The following CFAP100 variants were observed in gnomAD, a reference collection of about 807,000 sequenced individuals.
CFAP100 encodes cilia- and flagella-associated protein 100.
A neutral mutation model predicts 81.5 loss-of-function variants in CFAP100; 70 were observed. The observed-to-expected ratio is 0.86, with a 90% CI of 0.71 to 1.05. The LOEUF (loss-of-function observed/expected upper bound fraction) is 1.05, where lower values mean the gene tolerates loss of function less well. CFAP100 is among the 50% of genes least tolerant of loss of function. The probability of loss-of-function intolerance (pLI) is 0.00; values close to 1 mark genes in which losing one functional copy is unlikely to be tolerated. For synonymous variants in CFAP100, 341 were observed against 314.8 expected, an observed-to-expected ratio of 1.08 and a Z score of -0.88; for missense variants, 811 against 776.5, an observed-to-expected ratio of 1.04 and a Z score of -0.53.
At chr3:126,395,920 C>T (rs552458417) in intron 1 of CFAP100, 22 bp from the exon 2 acceptor site, 8 of 1,263,416 alleles carry the variant, frequency 6.3e-6, no homozygotes, top group East Asian at 4.7e-5. Context: ...CCACCAGGCT[C>T]AAGCACTGTG....
At chr3:126,410,752 C>T (rs2083141491) in intron 3 of CFAP100, among the ~76,000 whole-genome samples, 1 of 152,210 alleles carries the variant, frequency 6.6e-6, no homozygotes, top group Non-Finnish European at 1.5e-5. Flanking sequence ...GCATCCTTGC[C>T]TTGCTCCTGG....
At chr3:126,423,732 C>T (rs141359417) in intron 13 of CFAP100, 88 bp downstream of exon 13, 168 of 1,504,384 alleles carry the variant, frequency 1.1e-4, no homozygotes, top group Non-Finnish European at 1.5e-4. Flanking sequence ...GGGGAAACAG[C>T]CCACACCCGT....
At position 126,410,796 on chromosome 3, in the gene CFAP100, T is replaced by C. The variant is rs753696733; in HGVS notation, c.131-3289T>C. Among the ~76,000 whole-genome samples, 72 of 152,244 alleles carry C rather than the reference T, an allele frequency of 4.7e-4. 2 individuals carry two copies. The highest frequency in any genetic ancestry group is 3.9e-4 in the Admixed American group (6 of 15,278). On this transcript the variant is annotated intron_variant, in intron 3 of 16. Transcript: ENST00000352312. ...TACATGGGTGGAGGGACATTCAGTA[T>C]GTCATCCGCAGATTTCTTGTAGATA...
chr3:126,425,542 AGAGG>A (rs2083392806), intron 13 of CFAP100, among the ~76,000 whole-genome samples: 1 of 152,254 alleles, frequency 6.6e-6, no homozygotes, highest in Admixed American at 6.5e-5. Flanking sequence ...AGATAGGAGC[AGAGG>A]GAGTACTTCC....
At chr3:126,410,057 T>C (rs1163028803) in intron 3 of CFAP100, among the ~76,000 whole-genome samples, 2 of 152,152 alleles carry the variant, frequency 1.3e-5, no homozygotes, top group East Asian at 3.9e-4. Flanking sequence ...AAAAATTAGC[T>C]GGGCATGGTG....
intron 2 of CFAP100, among the ~76,000 whole-genome samples, chr3:126,399,149 A>T (rs116686477): frequency 1.1e-3 from 163 of 151,824 alleles, no homozygotes; most frequent in African/African-American, 3.7e-3. Flanking sequence ...TACATCCCTC[A>T]TTGCTGTTCC....
chr3:126,407,941 T>C (rs138449975), intron 3 of CFAP100, among the ~76,000 whole-genome samples: 462 of 152,344 alleles, frequency 3.0e-3, no homozygotes, highest in Non-Finnish European at 4.7e-3. Flanking sequence ...GCTCTGCCCC[T>C]GGGCTAACAG....
At chr3:126,412,371 T>C (rs2083171646) in intron 3 of CFAP100, among the ~76,000 whole-genome samples, 1 of 152,162 alleles carries the variant, frequency 6.6e-6, no homozygotes, top group African/African-American at 2.4e-5. Flanking sequence ...CAAAGGCCCT[T>C]TCGCCATAGA....
chr3:126,413,437 T>C (rs9864203), intron 3 of CFAP100, among the ~76,000 whole-genome samples: 110,900 of 152,196 alleles, frequency 0.73, 41,042 homozygotes, highest in African/African-American at 0.85. Context: ...CCCATGTGCT[T>C]AGTTTACCCT....
chr3:126,422,593 G>A (rs140664696), intron 11 of CFAP100, among the ~76,000 whole-genome samples: 95 of 152,238 alleles, frequency 6.2e-4, no homozygotes, highest in African/African-American at 2.1e-3. Context: ...GGTCCCCATC[G>A]AGTGGGGCCT....
In CFAP100 at chr3:126,416,496, A is replaced by G. The variant is rs1445128014; in HGVS notation, c.406A>G (p.Thr136Ala). Residue 136 changes from threonine (T) to alanine (A), a missense_variant, in exon 5 of 17, where the codon ACC (threonine) becomes GCC (alanine). Physicochemically the swap from Thr to Ala is moderately conservative, Grantham distance 58. Transcript: ENST00000352312. ...AFRDYTTWKL[T>A]LTKEKNVEPE... Reference sequence around the variant, plus strand: ...CCGCGACTACACGACCTGGAAGCTCACCTTGACCAAAGGTGCGTCCCCTCC... The same window carrying G: ...CCGCGACTACACGACCTGGAAGCTCGCCTTGACCAAAGGTGCGTCCCCTCC... The G allele has an allele frequency of 1.3e-5, 21 of 1,592,408 alleles. No homozygotes were observed. The highest frequency in any genetic ancestry group is 1.8e-5 in the Non-Finnish European group (21 of 1,168,156).
rs1328032261 is a variant in CFAP100, at chr3:126,423,659, G to T, written c.1286+15G>T. The T allele has an allele frequency of 1.2e-6, 2 of 1,613,850 alleles. No homozygotes were observed. The highest frequency in any genetic ancestry group is 2.2e-5 in the East Asian group (1 of 44,872). On this transcript the variant is annotated intron_variant, in intron 13 of 16. Coordinates refer to ENST00000352312, the MANE Select transcript of CFAP100 (RefSeq NM_182628.3). ...CAGATCCGCATGTAGGTGCTATGCG[G>T]TGGCCAGTGGGGGCTCCCTGCCGCT... is the stretch of plus-strand genomic sequence containing the variant.
Position 126,433,688 on chromosome 3 carries a change from A to C in CFAP100, c.1422+484A>C, listed in dbSNP as rs536462100. On this transcript the variant is annotated intron_variant, in intron 14 of 16. Coordinates refer to ENST00000352312, the MANE Select transcript of CFAP100 (RefSeq NM_182628.3). ...CTGCTGTGTGCCAGGCACAGGGCCA[A>C]GGGTGTGGGATGCAGCCATGAGCAA... 17 of 194,542 alleles carry C rather than the reference A, an allele frequency of 8.7e-5. No individual in the cohort carries two copies. In the East Asian group the frequency reaches 2.3e-3, roughly 27 times the overall value. 12.1% of individuals were successfully genotyped at this position (194,542 alleles called of 1,614,324 possible).
Position 126,418,680 on chromosome 3 carries a change from C to A in CFAP100, c.556C>A (p.Leu186Met), listed in dbSNP as rs779596838. The A allele has an allele frequency of 1.9e-6, 3 of 1,580,934 alleles. No homozygotes were observed. The highest frequency in any genetic ancestry group is 2.3e-5 in the South Asian group (2 of 86,772). ...ETLATKEEAR[L>M]ERAEKSLEKD... is the part of the protein sequence containing the mutation. ...GCTGGCGACCAAAGAGGAGGCCAGG[C>A]TGGAGCGGGCCGAGAAATCCCTGGA... is the stretch of plus-strand genomic sequence containing the variant. The change falls in exon 7 of 17, where the codon CTG (leucine) becomes ATG (methionine). Residue 186 changes from leucine (L) to methionine (M), a missense_variant. Physicochemically the swap from Leu to Met is conservative, Grantham distance 15. Transcript: ENST00000352312.
chr3:126,408,460 A>G (rs1018066711), intron 3 of CFAP100, among the ~76,000 whole-genome samples: 1 of 152,072 alleles, frequency 6.6e-6, no homozygotes, highest in African/African-American at 2.4e-5. Context: ...GGCCCATCCC[A>G]TCACTCTCTG....
chr3:126,433,404 T>C, intron 14 of CFAP100, 200 bp downstream of exon 14: 2 of 589,680 alleles, frequency 3.4e-6, no homozygotes, highest in Non-Finnish European at 6.1e-6. Context: ...CCCCCACGCC[T>C]CATCCATTGC....
chr3:126,429,065 T>C (rs9817007), intron 13 of CFAP100, among the ~76,000 whole-genome samples: 85,084 of 145,354 alleles, frequency 0.59, 25,223 homozygotes, highest in African/African-American at 0.75. Flanking sequence ...GCCAAGATTG[T>C]GCCACAGCAC....
chr3:126,429,893 C>G (rs751906535), intron 13 of CFAP100, among the ~76,000 whole-genome samples: 2 of 152,040 alleles, frequency 1.3e-5, no homozygotes, highest in Non-Finnish European at 2.9e-5. Flanking sequence ...TTGGGAAAGT[C>G]TTTATCTCCT....
chr3:126,400,228 T>C (rs1261321190), intron 2 of CFAP100, among the ~76,000 whole-genome samples: 1 of 152,048 alleles, frequency 6.6e-6, no homozygotes, highest in Non-Finnish European at 1.5e-5. Flanking sequence ...GAATAGATAA[T>C]TCTCAAAAGA....
Sources: allele counts gnomAD v4.1 joint callset (sites outside exome capture counted in the v4.1 genomes callset), GRCh38; gene constraint gnomAD v4.1.1; transcripts MANE v1.5; gene names NCBI Gene and HGNC (gene_info 2026-07-23, HGNC 2026-07-21).